Variants in PBRM1 observed in about 807,000 individuals in gnomAD.
PBRM1 encodes the protein polybromo 1, also known as protein polybromo-1.
In PBRM1, 27 loss-of-function variants were observed where a neutral mutation model predicts 194.5. That is an observed-to-expected ratio of 0.14 (90% CI 0.10 to 0.19). PBRM1 has a LOEUF of 0.19. PBRM1 is among the 10% of genes least tolerant of loss of function. The pLI, the probability that PBRM1 is intolerant of heterozygous loss-of-function variation, is 1.00. For missense variants in PBRM1, 1,466 were observed against 2,077.2 expected (o/e 0.71, Z 5.72); for synonymous variants, 655 against 693.2 (o/e 0.94, Z 0.87).
downstream of PBRM1, chr3:52,547,307 G>A (rs977587832): frequency 4.3e-6 from 1 of 232,932 alleles, no homozygotes; most frequent in African/African-American, 2.2e-5. Context: ...TGACACCATA[G>A]TCTAACTCAC....
intron 22 of PBRM1, among the ~76,000 whole-genome samples, chr3:52,572,756 T>C (rs1447866409): frequency 6.6e-6 from 1 of 152,224 alleles, no homozygotes; most frequent in Non-Finnish European, 1.5e-5. Flanking sequence ...CAGGATTGTC[T>C]CCTTTGTATG....
At chr3:52,569,910 G>A (rs1461766627) in intron 22 of PBRM1, among the ~76,000 whole-genome samples, 4 of 152,036 alleles carry the variant, frequency 2.6e-5, no homozygotes, top group Non-Finnish European at 5.9e-5. Flanking sequence ...AACTCCACTG[G>A]CTAGTACCTC....
upstream of PBRM1, chr3:52,681,804 T>C: frequency 1.2e-5 from 8 of 689,438 alleles, no homozygotes; most frequent in Non-Finnish European, 1.5e-5. Context: ...GCTGATTCAG[T>C]GTTAGTATAT....
At chr3:52,604,722 C>T (rs1209669200) in intron 16 of PBRM1, among the ~76,000 whole-genome samples, 1 of 151,636 alleles carries the variant, frequency 6.6e-6, no homozygotes, top group Non-Finnish European at 1.5e-5. Flanking sequence ...ATAAACAGGC[C>T]AGTTGTGGTG....
intron 15 of PBRM1, among the ~76,000 whole-genome samples, chr3:52,612,013 A>G (rs537284163): frequency 2.0e-4 from 30 of 151,962 alleles, no homozygotes; most frequent in Non-Finnish European, 1.8e-4. Flanking sequence ...TAATCCCAGC[A>G]CTTTGGGAGG....
At chr3:52,664,408 A>G (rs2096786720) in intron 3 of PBRM1, among the ~76,000 whole-genome samples, 1 of 126,168 alleles carries the variant, frequency 7.9e-6, no homozygotes, top group Non-Finnish European at 1.7e-5. Flanking sequence ...AAATTGAAAG[A>G]ACTGAAAAAA....
chr3:52,654,115 G>T (rs906089783), intron 5 of PBRM1, among the ~76,000 whole-genome samples: 2 of 152,184 alleles, frequency 1.3e-5, no homozygotes, highest in Non-Finnish European at 2.9e-5. Context: ...GGTCTTATCA[G>T]ATGGGAGAGG....
At chr3:52,611,327 A>C (rs1248621333) in intron 15 of PBRM1, among the ~76,000 whole-genome samples, 1 of 152,212 alleles carries the variant, frequency 6.6e-6, no homozygotes, top group Non-Finnish European at 1.5e-5. Flanking sequence ...GTATGCAACA[A>C]CACCTGTTAA....
chr3:52,586,378 G>A (rs1442820917), intron 20 of PBRM1, 47 bp downstream of exon 22: 1 of 1,474,074 alleles, frequency 6.8e-7, no homozygotes, highest in Non-Finnish European at 9.3e-7. Context: ...TCTGGAATAG[G>A]TGTTTTGAGA....
At chr3:52,636,565 G>C (rs2095819819) in intron 10 of PBRM1, among the ~76,000 whole-genome samples, 1 of 151,188 alleles carries the variant, frequency 6.6e-6, no homozygotes, top group South Asian at 2.1e-4. Context: ...AGACCAGCCT[G>C]GCCAACATGA....
intron 3 of PBRM1, among the ~76,000 whole-genome samples, chr3:52,666,535 CAA>C (rs373241275): frequency 8.3e-6 from 1 of 120,576 alleles, no homozygotes; most frequent in Non-Finnish European, 1.8e-5. Context: ...GACTCCATCT[CAA>C]AAAAAAAAAA....
chr3:52,656,295 T>C (rs2096605996), intron 5 of PBRM1, among the ~76,000 whole-genome samples: 1 of 152,086 alleles, frequency 6.6e-6, no homozygotes, highest in South Asian at 2.1e-4. Context: ...TCAAAGAGAA[T>C]TAAAAGGAGG....
intron 17 of PBRM1, among the ~76,000 whole-genome samples, chr3:52,599,236 G>A (rs376535776): frequency 6.6e-5 from 10 of 152,106 alleles, no homozygotes; most frequent in African/African-American, 2.2e-4. Flanking sequence ...GTGATATTTC[G>A]ATAACATGGA....
At chr3:52,620,045 C>T (rs956309785) in intron 13 of PBRM1, among the ~76,000 whole-genome samples, 7 of 152,148 alleles carry the variant, frequency 4.6e-5, no homozygotes, top group Middle Eastern at 3.4e-3. Flanking sequence ...GATGGCAAAA[C>T]GTTTGTTAGA....
At chr3:52,628,015 CAGAT>C (rs1359438377) in intron 12 of PBRM1, among the ~76,000 whole-genome samples, 1 of 152,168 alleles carries the variant, frequency 6.6e-6, no homozygotes, top group Non-Finnish European at 1.5e-5. Context: ...CAAAAACTGT[CAGAT>C]AGACCCAATT....
intron 6 of PBRM1, 41 bp from the exon 8 acceptor site, chr3:52,648,483 A>T: frequency 9.6e-7 from 1 of 1,043,140 alleles, no homozygotes; most frequent in South Asian, 1.4e-5. Context: ...TTTTAATGAG[A>T]GTTCATCAGT....
chr3:52,571,389 A>G (rs1254699685), intron 22 of PBRM1, among the ~76,000 whole-genome samples: 1 of 150,032 alleles, frequency 6.7e-6, no homozygotes, highest in Non-Finnish European at 1.5e-5. Flanking sequence ...GCACTTTGGG[A>G]GACTGAGGAA....
chr3:52,579,711 T>C (rs919620538), intron 20 of PBRM1, among the ~76,000 whole-genome samples: 1 of 152,250 alleles, frequency 6.6e-6, no homozygotes, highest in Non-Finnish European at 1.5e-5. Flanking sequence ...ATCAAGTATC[T>C]ATTTGAAATT....
intron 20 of PBRM1, among the ~76,000 whole-genome samples, chr3:52,582,072 G>A (rs113725282): frequency 4.0e-5 from 6 of 151,150 alleles, no homozygotes; most frequent in African/African-American, 7.3e-5. Flanking sequence ...GTAGAAATCC[G>A]TCTCTACTAA....
Sources: gnomAD v4.1 joint callset for allele counts (sites outside exome capture counted in the v4.1 genomes callset) on GRCh38, gnomAD v4.1.1 for gene constraint, MANE v1.5 for transcripts, NCBI Gene and HGNC (gene_info 2026-07-23, HGNC 2026-07-21) for gene names.